Variants in DDX50 observed in about 807,000 individuals in gnomAD.
The protein encoded by DDX50 is ATP-dependent RNA helicase DDX50.
A neutral mutation model predicts 94.8 loss-of-function variants in DDX50; 56 were observed. That is an observed-to-expected ratio of 0.59 (90% CI 0.48 to 0.74). DDX50 has a LOEUF of 0.74. Among genes scored for constraint, DDX50 ranks in the 30% least tolerant of loss-of-function variants. DDX50 has a pLI of 0.00. For synonymous variants in DDX50, 264 were observed against 295.4 expected, an observed-to-expected ratio of 0.89 and a Z score of 1.09; for missense variants, 713 against 881.2, an observed-to-expected ratio of 0.81 and a Z score of 2.42.
chr10:68,946,260 A>ATT, intron 14 of DDX50, 92 bp from the exon 15 acceptor site: 1 of 1,433,682 alleles, frequency 7.0e-7, no homozygotes, highest in Non-Finnish European at 9.4e-7. Flanking sequence ...CCTTTAGCTA[A>ATT]TAGATATGAA....
At position 68,914,097 on chromosome 10, in the gene DDX50, A is replaced by G. The variant is rs964464846; in HGVS notation, c.982A>G (p.Thr328Ala). Residue 328 changes from threonine to alanine, a missense_variant, in exon 7 of 15, where the codon ACT becomes GCT. Coordinates refer to ENST00000373585, the MANE Select transcript of DDX50 (RefSeq NM_024045.2). ...TCCTCAGACTTTACTTTTTTCTGCA[A>G]CTTGCCCACAGTGGGTATACAAAGT... ...DNPQTLLFSA[T>A]CPQWVYKVAK... 6.2e-7 allele frequency: 1 copy of G among 1,604,166 alleles called. No individual in the cohort carries two copies. The highest frequency in any genetic ancestry group is 8.5e-7 in the Non-Finnish European group (1 of 1,177,390).
intron 8 of DDX50, among the ~76,000 whole-genome samples, chr10:68,932,328 C>T (rs973225820): frequency 7.2e-5 from 11 of 152,166 alleles, no homozygotes; most frequent in Admixed American, 5.9e-4. Flanking sequence ...GGAGCGATTA[C>T]GGCTCACTGC....
intron 7 of DDX50, among the ~76,000 whole-genome samples, chr10:68,914,530 G>A (rs574159507): frequency 4.6e-5 from 7 of 152,136 alleles, no homozygotes; most frequent in African/African-American, 1.7e-4. Flanking sequence ...TGACAAAGAA[G>A]GCGATTTATA....
chr10:68,908,341 C>T (rs1023421531), intron 2 of DDX50, among the ~76,000 whole-genome samples: 2 of 148,944 alleles, frequency 1.3e-5, no homozygotes, highest in African/African-American at 4.9e-5. Context: ...ATCCCAGCTA[C>T]TTGGGAGGCT....
chr10:68,930,114 C>CTTTTT (rs34023657), intron 8 of DDX50, among the ~76,000 whole-genome samples: 78 of 99,742 alleles, frequency 7.8e-4, no homozygotes, highest in African/African-American at 1.0e-3. Context: ...CTTTCCTTTC[C>CTTTTT]TTTTTTTTTT....
At position 68,934,211 on chromosome 10, in the gene DDX50, T is replaced by A. The variant is rs1210957605; in HGVS notation, c.1252T>A (p.Leu418Ile). 1.9e-6 allele frequency: 3 copies of A among 1,611,304 alleles called. No individual in the cohort carries two copies. The highest frequency in any genetic ancestry group is 2.5e-6 in the Non-Finnish European group (3 of 1,179,622). Residue 418 changes from leucine (L) to isoleucine (I), a missense_variant, in exon 9 of 15, where the codon TTA becomes ATA. Physicochemically the swap from Leu to Ile is conservative, Grantham distance 5 (BLOSUM62 2). Around this residue, in one of 2 missense-constraint regions of DDX50, gnomAD observed 428 missense variants for 602.3 expected, o/e 0.71. Coordinates refer to ENST00000373585, the MANE Select transcript of DDX50 (RefSeq NM_024045.2). This position sits in a 1 kb window ranked among gnomAD's most constrained non-coding sequence, Gnocchi z 4.0. ...CTTTCTCAAATAGAATGCCCAGTGT[T>A]TACATGGGGACATTGCACAGTCACA... ...NPHIKQNAQC[L>I]HGDIAQSQRE...
rs963789709 is a variant in DDX50, at chr10:68,904,478, C to T, written c.88-2233C>T. On this transcript the variant is annotated intron_variant, in intron 1 of 14. Transcript: ENST00000373585. ...CCATGAAAATAGTACTAAAAGTGAA[C>T]ATAGAGAACAGATACTCAAGGAGCA... Among the ~76,000 whole-genome samples, 5 of 152,180 alleles carry T rather than the reference C, an allele frequency of 3.3e-5. No homozygotes were observed. In the East Asian group the frequency reaches 5.8e-4, roughly 18 times the overall value.
chr10:68,924,126 C>A (rs1227614137), intron 8 of DDX50, among the ~76,000 whole-genome samples: 1 of 150,888 alleles, frequency 6.6e-6, no homozygotes, highest in Non-Finnish European at 1.5e-5. Flanking sequence ...TCGGTGGCAC[C>A]ACGCCCAGCT....
At position 68,913,261 on chromosome 10, in the gene DDX50, A is replaced by G; in HGVS notation, c.739A>G (p.Thr247Ala). ...CAGCGTGGCGTGTTTTTATGGTGGAACATCATATCAAAGCCAAAGTGAGTA... is the reference window on the plus strand; with the variant it reads ...CAGCGTGGCGTGTTTTTATGGTGGAGCATCATATCAAAGCCAAAGTGAGTA... Reference protein sequence around the residue: ...KLSVACFYGGTSYQSQINHIR... With the variant: ...KLSVACFYGGASYQSQINHIR... Residue 247 changes from threonine to alanine, a missense_variant, in exon 5 of 15, where the codon ACA (threonine) becomes GCA (alanine). Thr to Ala is a moderately conservative substitution (Grantham distance 58, BLOSUM62 0). This residue lies in a region of DDX50 where 428 missense variants were observed against 602.3 expected (regional missense o/e 0.71). Coordinates refer to ENST00000373585, the MANE Select transcript of DDX50 (RefSeq NM_024045.2). 1.2e-6 allele frequency: 2 copies of G among 1,612,796 alleles called. No homozygotes were observed. The highest frequency in any genetic ancestry group is 8.5e-7 in the Non-Finnish European group (1 of 1,179,710).
At chr10:68,910,257 G>T in intron 2 of DDX50, 50 bp from the exon 3 acceptor site, 1 of 1,401,336 alleles carries the variant, frequency 7.1e-7, no homozygotes, top group South Asian at 1.3e-5. Flanking sequence ...AACAGTAAAT[G>T]AGGAAGAGTT....
At position 68,934,714 on chromosome 10, in the gene DDX50, T is replaced by C. The variant is rs1309189436; in HGVS notation, c.1402-85T>C. 18 of 1,374,484 alleles carry C rather than the reference T, an allele frequency of 1.3e-5. No homozygotes were observed. Among genetic ancestry groups the C allele is most frequent in the Non-Finnish European group, 1.5e-5 (15 of 1,021,136 alleles). 85.1% of individuals were successfully genotyped at this position (1,374,484 alleles called of 1,614,324 possible). A position where few individuals can be genotyped will look rare whatever the true frequency, so the allele number is the denominator to read the frequency against. On this transcript the variant is annotated intron_variant, in intron 9 of 14. Coordinates refer to ENST00000373585, the MANE Select transcript of DDX50 (RefSeq NM_024045.2). This position sits in a 1 kb window ranked among gnomAD's most constrained non-coding sequence, Gnocchi z 4.0. ...AAGGGCAACAGGATTGAAATAAATA[T>C]ATTATTATTAACATTATTATTTGGA...
At chr10:68,915,140 G>A (rs1359572422) in intron 7 of DDX50, among the ~76,000 whole-genome samples, 2 of 150,686 alleles carry the variant, frequency 1.3e-5, no homozygotes, top group African/African-American at 2.4e-5. Context: ...AGGGCCGGGC[G>A]TGGTGGCTTA....
In DDX50 at chr10:68,911,141, A is replaced by G; in HGVS notation, c.534A>G (p.Ile178Met). The G allele has an allele frequency of 6.2e-7, 1 of 1,612,604 alleles. No homozygotes were observed. The highest frequency in any genetic ancestry group is 8.5e-7 in the Non-Finnish European group (1 of 1,179,368). The change falls in exon 4 of 15, where the codon ATA becomes ATG. Residue 178 changes from isoleucine (I) to methionine (M), a missense_variant. Ile to Met is a conservative substitution (Grantham distance 10, BLOSUM62 1). This residue lies in a region of DDX50 where 285 missense variants were observed against 278.9 expected (regional missense o/e 1.02). Transcript: ENST00000373585. ...CTGTATATGAAGGAAAAGATTTAAT[A>G]GCTCAAGCACGGACAGGAACAGGAA... ...FGPVYEGKDL[I>M]AQARTGTGKT...
chr10:68,913,708 C>A, intron 6 of DDX50, 132 bp downstream of exon 6: 1 of 857,650 alleles, frequency 1.2e-6, no homozygotes, highest in Non-Finnish European at 1.7e-6. Context: ...GGTATCTGTT[C>A]TGTCCTTGAA....
intron 7 of DDX50, among the ~76,000 whole-genome samples, chr10:68,917,997 T>C (rs1000307830): frequency 2.0e-5 from 3 of 152,028 alleles, no homozygotes; most frequent in African/African-American, 7.2e-5. Context: ...CAGTCTCAGC[T>C]CACTGCAACC....
At position 68,937,021 on chromosome 10, in the gene DDX50, G is replaced by A. The variant is rs769128254; in HGVS notation, c.1681G>A (p.Ala561Thr). 1.9e-6 allele frequency: 3 copies of A among 1,612,662 alleles called. No homozygotes were observed. Among genetic ancestry groups the A allele is most frequent in the South Asian group, 2.2e-5 (2 of 90,992 alleles). The change falls in exon 12 of 15, where the codon GCA becomes ACA. Residue 561 changes from alanine to threonine, a missense_variant. Coordinates refer to ENST00000373585, the MANE Select transcript of DDX50 (RefSeq NM_024045.2). ...GATAGAAGAGAAAGGTGCAGTGGATGCATTGGCTGCAGCTTTAGCCCACAT... is the reference window on the plus strand; with the variant it reads ...GATAGAAGAGAAAGGTGCAGTGGATACATTGGCTGCAGCTTTAGCCCACAT... ...RLIEEKGAVD[A>T]LAAALAHISG...
intron 12 of DDX50, among the ~76,000 whole-genome samples, chr10:68,937,637 G>A (rs1351104294): frequency 7.0e-6 from 1 of 143,722 alleles, no homozygotes; most frequent in African/African-American, 2.6e-5. Context: ...CCAGGCTGGA[G>A]TGCAATTACG....
chr10:68,909,429 A>G (rs1841561415), intron 2 of DDX50, among the ~76,000 whole-genome samples: 1 of 152,230 alleles, frequency 6.6e-6, no homozygotes, highest in Admixed American at 6.5e-5. Context: ...TTGTATTAGC[A>G]ACCTAAATAA....
At chr10:68,936,680 A>C (rs1387092996) in intron 11 of DDX50, among the ~76,000 whole-genome samples, 1 of 150,760 alleles carries the variant, frequency 6.6e-6, no homozygotes, top group African/African-American at 2.4e-5. Context: ...CTCTACAAAA[A>C]ATACAAAGAT....
Sources: gnomAD v4.1 joint callset for allele counts (sites outside exome capture counted in the v4.1 genomes callset) on GRCh38, gnomAD v4.1.1 for gene constraint, gnomAD v4.1.1 regional missense constraint, Gnocchi (gnomAD v3.1) non-coding constraint, MANE v1.5 for transcripts, NCBI Gene and HGNC (gene_info 2026-07-23, HGNC 2026-07-21) for gene names.